FCRL2: variants seen among roughly 807,000 people sequenced by gnomAD.
FCRL2 encodes Fc receptor like 2.
FCRL2 carries 48 observed loss-of-function variants against 59.8 expected under a neutral mutation model. That is an observed-to-expected ratio of 0.80 (90% confidence interval 0.64 to 1.02). The LOEUF is 1.02. FCRL2 is among the 50% of genes least tolerant of loss of function. The pLI is 0.00. For missense variants in FCRL2, 658 were observed against 597.3 expected, an observed-to-expected ratio of 1.10 and a Z score of -1.06; for synonymous variants, 251 against 229.5, an observed-to-expected ratio of 1.09 and a Z score of -0.85.
At chr1:157,773,503 G>T (rs1650181108) in intron 2 of FCRL2, among the ~76,000 whole-genome samples, 1 of 152,218 alleles carries the variant, frequency 6.6e-6, no homozygotes, top group Non-Finnish European at 1.5e-5. Flanking sequence ...GTGACTTGAA[G>T]TCAAACCCTC....
In FCRL2 at chr1:157,770,666, T is replaced by A. The variant is rs764512189; in HGVS notation, c.53A>T (p.Asp18Val). The change falls in exon 3 of 12, where the codon GAT becomes GTT. Residue 18 changes from aspartate (D) to valine (V), a missense_variant and splice_region_variant. By Grantham distance (152) the Asp-to-Val change is radical (BLOSUM62 -3). Transcript: ENST00000361516. ...VIFDAVTEQADSLTLVAPSSV... is the reference protein window; with the variant it reads ...VIFDAVTEQAVSLTLVAPSSV... ...AGAGGGCGCCACAAGGGTCAGCGAA[T>A]CTGGAAGAGAAGGAGGGAAACCGGA... The A allele has an allele frequency of 1.2e-6, 2 of 1,613,890 alleles. No homozygotes were observed. The highest frequency in any genetic ancestry group is 1.7e-5 in the Admixed American group (1 of 59,996).
At chr1:157,761,874 T>G (rs74119550) in intron 7 of FCRL2, among the ~76,000 whole-genome samples, 4 of 152,152 alleles carry the variant, frequency 2.6e-5, no homozygotes, top group African/African-American at 9.7e-5. Context: ...AAGGTAGATG[T>G]CTTCAAACTT....
rs1461154033 is a variant in FCRL2, at chr1:157,746,749, A to T, written c.1514T>A (p.Val505Glu). 1 of 1,613,876 alleles carries T rather than the reference A, an allele frequency of 6.2e-7. No homozygotes were observed. The highest frequency in any genetic ancestry group is 2.2e-5 in the East Asian group (1 of 44,878). Residue 505 changes from valine to glutamate, a missense_variant, in exon 12 of 12, where the codon GTG becomes GAG. Physicochemically the swap from Val to Glu is moderately radical, Grantham distance 121. Coordinates refer to ENST00000361516, the MANE Select transcript of FCRL2 (RefSeq NM_030764.4). ...TTCCTCCAAGTGTTATGATTTCTTC[A>T]CAGAAGAGTAGATGACTTGGGAGTC... The part of the protein sequence containing the change: ...NKDSQVIYSS[V>E]KKS
chr1:157,760,695 G>GAAAT (rs1557860342), intron 7 of FCRL2, among the ~76,000 whole-genome samples: 1 of 121,874 alleles, frequency 8.2e-6, no homozygotes, highest in Admixed American at 8.5e-5. Flanking sequence ...AAGAAAGAAA[G>GAAAT]AAGGAAAGAA....
chr1:157,761,585 G>T (rs116135229), intron 7 of FCRL2, among the ~76,000 whole-genome samples: 1 of 152,126 alleles, frequency 6.6e-6, no homozygotes, highest in African/African-American at 2.4e-5. Flanking sequence ...CTCCAGCCTC[G>T]GCAACAGAGC....
At chr1:157,775,700 C>T in intron 2 of FCRL2, 75 bp downstream of exon 2, 1 of 1,543,962 alleles carries the variant, frequency 6.5e-7, no homozygotes, top group Non-Finnish European at 8.9e-7. Context: ...TCCAGAGCCA[C>T]CTCTATAGAA....
chr1:157,747,039 A>G, intron 10 of FCRL2, 140 bp from the exon 11 acceptor site: 1 of 881,808 alleles, frequency 1.1e-6, no homozygotes, highest in Non-Finnish European at 1.7e-6. Context: ...ATCCTTTCTT[A>G]AAGTTGTTAA....
At chr1:157,751,327 T>A (rs1414513773) in intron 7 of FCRL2, among the ~76,000 whole-genome samples, 1 of 152,222 alleles carries the variant, frequency 6.6e-6, no homozygotes, top group East Asian at 1.9e-4. Flanking sequence ...GGCAAGAGGC[T>A]AAGAGAAGAT....
chr1:157,768,895 T>C, intron 4 of FCRL2, 194 bp from the exon 5 acceptor site: 1 of 577,380 alleles, frequency 1.7e-6, no homozygotes, highest in Non-Finnish European at 2.9e-6. Context: ...TTGAATGTCC[T>C]AACCCTGGCC....
At chr1:157,746,958 A>G in intron 10 of FCRL2, 59 bp from the exon 11 acceptor site, 1 of 1,556,514 alleles carries the variant, frequency 6.4e-7, no homozygotes, top group Non-Finnish European at 8.8e-7. Flanking sequence ...CCTCACTCCC[A>G]GACTTTATGC....
intron 7 of FCRL2, among the ~76,000 whole-genome samples, chr1:157,760,208 A>G (rs987059062): frequency 7.9e-5 from 12 of 152,202 alleles, no homozygotes; most frequent in Non-Finnish European, 1.2e-4. Flanking sequence ...CAAATATCAC[A>G]TGTTCTCACT....
chr1:157,756,679 GAA>G (rs5778046), intron 7 of FCRL2, among the ~76,000 whole-genome samples: 2,315 of 133,674 alleles, frequency 0.017, 53 homozygotes, highest in African/African-American at 0.059. Context: ...ACTTTGTCTG[GAA>G]AAAAAAAAAA....
intron 7 of FCRL2, among the ~76,000 whole-genome samples, chr1:157,751,278 C>G (rs936739880): frequency 3.3e-5 from 5 of 152,138 alleles, no homozygotes; most frequent in Non-Finnish European, 7.4e-5. Flanking sequence ...AGGGCTGGCT[C>G]CCAAGTCTTA....
In FCRL2 at chr1:157,768,601, T is replaced by C. The variant is rs747849572; in HGVS notation, c.696A>G (p.Thr232=). 1 of 1,614,108 alleles carries C rather than the reference T, an allele frequency of 6.2e-7. No individual in the cohort carries two copies. Among genetic ancestry groups the C allele is most frequent in the Non-Finnish European group, 8.5e-7 (1 of 1,180,052 alleles). The change falls in exon 5 of 12, where the codon ACA becomes ACG. Residue 232 remains threonine (T), a synonymous_variant. Coordinates refer to ENST00000361516, the MANE Select transcript of FCRL2 (RefSeq NM_030764.4). The stretch of plus-strand genomic sequence containing the variant: ...TGTACCAGGAGAATGTGACATTTCC[T>C]GTACCCCCAGCCACTGAGCAGAGCA... ...LILLCSVAGG[T]GNVTFSWYRE...
At position 157,746,686 on chromosome 1, in the gene FCRL2, A is replaced by G; in HGVS notation, c.*50T>C. 6.4e-7 allele frequency: 1 copy of G among 1,574,764 alleles called. No individual in the cohort carries two copies. Among genetic ancestry groups the G allele is most frequent in the Non-Finnish European group, 8.7e-7 (1 of 1,144,588 alleles). ...TTCATAAGGTTTTATAGCAAGTCTT[A>G]ATGATGCCCCATCCTTGCTGTTGAT... On this transcript the variant is annotated 3_prime_UTR_variant, in exon 12 of 12. Coordinates refer to ENST00000361516, the MANE Select transcript of FCRL2 (RefSeq NM_030764.4).
rs1021168932 is a variant in FCRL2 at position 157,746,115 on chromosome 1, A to G, written c.*621T>C. The G allele has an allele frequency of 1.3e-5, 2 of 152,230 alleles. No homozygotes were observed. Among genetic ancestry groups the G allele is most frequent in the Non-Finnish European group, 2.9e-5 (2 of 68,058 alleles). The allele number at this position is 152,230 out of a possible 1,614,324, so 9.4% of individuals were successfully genotyped here. The stretch of plus-strand genomic sequence containing the variant: ...AATAAAAAACTTACCAACCAACACA[A>G]AAGCCCTAGACCAGATGGATTCATA... On this transcript the variant is annotated 3_prime_UTR_variant, in exon 12 of 12. Transcript: ENST00000361516.
At chr1:157,746,829 G>T (rs757348300) in intron 11 of FCRL2, 42 bp downstream of exon 11, 2 of 1,613,826 alleles carry the variant, frequency 1.2e-6, no homozygotes, top group Non-Finnish European at 1.7e-6. Context: ...TAAATAGGGA[G>T]AAGGAAGGAA....
At position 157,767,416 on chromosome 1, in the gene FCRL2, C is replaced by A; in HGVS notation, c.977G>T (p.Gly326Val). 6.2e-7 allele frequency: 1 copy of A among 1,614,226 alleles called. No homozygotes were observed. Among genetic ancestry groups the A allele is most frequent in the Non-Finnish European group, 8.5e-7 (1 of 1,180,038 alleles). ...LLELHCEALR[G>V]SPPILYQFYH... The stretch of plus-strand genomic sequence containing the variant: ...AAATTGGTACAAGATTGGGGGAGAG[C>A]CTCTCAGGGCCTCACAGTGAAGCTC... Residue 326 changes from glycine (G) to valine (V), a missense_variant, in exon 6 of 12, where the codon GGC becomes GTC. Physicochemically the swap from Gly to Val is moderately radical, Grantham distance 109. Transcript: ENST00000361516.
intron 5 of FCRL2, 186 bp from the exon 6 acceptor site, chr1:157,767,695 T>G: frequency 1.3e-6 from 2 of 1,567,306 alleles, no homozygotes; most frequent in Non-Finnish European, 1.7e-6. Context: ...GAGGGGAATA[T>G]CAGTTCTGGG....
Sources: allele counts gnomAD v4.1 joint callset (sites outside exome capture counted in the v4.1 genomes callset), GRCh38; gene constraint gnomAD v4.1.1; transcripts MANE v1.5; gene names NCBI Gene and HGNC (gene_info 2026-07-23, HGNC 2026-07-21).